The following C10orf67 variants were observed in gnomAD, a reference collection of about 807,000 sequenced individuals.
C10orf67 encodes the protein chromosome 10 open reading frame 67, also known as uncharacterized protein C10orf67, mitochondrial.
Under a neutral mutation model 35.6 loss-of-function variants are expected in C10orf67, and 60 were observed. The observed-to-expected ratio is 1.68, with a 90% CI of 1.37 to 2.09. The LOEUF (loss-of-function observed/expected upper bound fraction) is 2.09, where lower values mean the gene tolerates loss of function less well. C10orf67 is among the 30% of genes most tolerant of loss of function. C10orf67 has a pLI of 0.00. For synonymous variants in C10orf67, 167 were observed against 115.8 expected, an observed-to-expected ratio of 1.44 and a Z score of -2.84; for missense variants, 474 against 330.2, an observed-to-expected ratio of 1.44 and a Z score of -3.38.
At chr10:23,220,170 T>C (rs1020208739) in intron 15 of C10orf67, among the ~76,000 whole-genome samples, 2 of 151,484 alleles carry the variant, frequency 1.3e-5, no homozygotes, top group African/African-American at 2.4e-5. Flanking sequence ...ATACCCCATC[T>C]CAAGAAAAAA....
chr10:23,234,377 C>G (rs1841986945), intron 13 of C10orf67, among the ~76,000 whole-genome samples: 1 of 152,168 alleles, frequency 6.6e-6, no homozygotes, highest in African/African-American at 2.4e-5. Context: ...TCTGCAGGAA[C>G]ATGGGTAGAG....
chr10:23,274,909 A>G (rs1476512738), intron 8 of C10orf67, among the ~76,000 whole-genome samples: 2 of 152,196 alleles, frequency 1.3e-5, no homozygotes, highest in Non-Finnish European at 2.9e-5. Context: ...TTATAAAAGT[A>G]TTAATTTTGG....
chr10:23,208,475 G>T (rs1001955407), intron 15 of C10orf67, among the ~76,000 whole-genome samples: 2 of 152,178 alleles, frequency 1.3e-5, no homozygotes, highest in African/African-American at 4.8e-5. Flanking sequence ...AATGCAGACA[G>T]ACCTCAGGAG....
intron 2 of C10orf67, among the ~76,000 whole-genome samples, chr10:23,329,809 A>AAAAG (rs1444927030): frequency 4.7e-5 from 7 of 149,880 alleles, no homozygotes; most frequent in African/African-American, 1.7e-4. Context: ...AAAAAAAAAA[A>AAAAG]AAAAAAAGAA....
chr10:23,335,064 T>C (rs567358401), intron 1 of C10orf67, among the ~76,000 whole-genome samples: 1 of 152,066 alleles, frequency 6.6e-6, no homozygotes, highest in East Asian at 1.9e-4. Flanking sequence ...GGCACGTGCC[T>C]GTAATCCCAG....
At chr10:23,239,157 AT>A (rs1842116372) in intron 13 of C10orf67, among the ~76,000 whole-genome samples, 1 of 152,190 alleles carries the variant, frequency 6.6e-6, no homozygotes, top group Non-Finnish European at 1.5e-5. Context: ...TGGTTTACTT[AT>A]TAATTGAAAT....
intron 13 of C10orf67, among the ~76,000 whole-genome samples, chr10:23,224,269 G>T (rs576646209): frequency 1.3e-5 from 2 of 152,308 alleles, no homozygotes; most frequent in African/African-American, 4.8e-5. Flanking sequence ...GGTAAACAGG[G>T]TCTGAAGTAG....
intron 13 of C10orf67, among the ~76,000 whole-genome samples, chr10:23,237,138 G>C (rs569978919): frequency 6.6e-6 from 1 of 152,208 alleles, no homozygotes; most frequent in African/African-American, 2.4e-5. Flanking sequence ...TGTGGTATTT[G>C]GTTTTCTGCT....
At chr10:23,255,880 G>A (rs1312474068) in intron 10 of C10orf67, among the ~76,000 whole-genome samples, 1 of 152,196 alleles carries the variant, frequency 6.6e-6, no homozygotes, top group African/African-American at 2.4e-5. Flanking sequence ...ATCAAGACTT[G>A]TCTGGAAGGG....
At chr10:23,271,054 C>A (rs774819461) in intron 8 of C10orf67, among the ~76,000 whole-genome samples, 6 of 152,028 alleles carry the variant, frequency 3.9e-5, no homozygotes, top group Non-Finnish European at 7.4e-5. Context: ...AACACATATG[C>A]TCAAAATAAA....
intron 12 of C10orf67, among the ~76,000 whole-genome samples, chr10:23,245,711 T>C (rs1842299722): frequency 6.6e-6 from 1 of 152,212 alleles, no homozygotes; most frequent in South Asian, 2.1e-4. Flanking sequence ...TAACAAGTGC[T>C]GGTGAGGATG....
At chr10:23,281,419 T>C (rs564890950) in intron 8 of C10orf67, among the ~76,000 whole-genome samples, 5 of 152,276 alleles carry the variant, frequency 3.3e-5, no homozygotes, top group African/African-American at 1.2e-4. Flanking sequence ...TTTTTTATTA[T>C]AATAAACACA....
At chr10:23,278,874 G>C (rs1221469842) in intron 8 of C10orf67, among the ~76,000 whole-genome samples, 1 of 152,178 alleles carries the variant, frequency 6.6e-6, no homozygotes, top group Non-Finnish European at 1.5e-5. Flanking sequence ...AATTCATGGG[G>C]CTCATTCTGA....
intron 15 of C10orf67, among the ~76,000 whole-genome samples, chr10:23,222,042 A>C (rs1413026239): frequency 6.6e-6 from 1 of 152,192 alleles, no homozygotes; most frequent in Non-Finnish European, 1.5e-5. Flanking sequence ...TGAGCCTTAG[A>C]GCACACTGTA....
intron 5 of C10orf67, among the ~76,000 whole-genome samples, chr10:23,297,531 G>A (rs1018329006): frequency 6.6e-6 from 1 of 152,144 alleles, no homozygotes; most frequent in African/African-American, 2.4e-5. Flanking sequence ...CCTGGAGTGA[G>A]GGGATTACTT....
chr10:23,227,738 C>T (rs186149318), intron 13 of C10orf67, among the ~76,000 whole-genome samples: 1 of 152,078 alleles, frequency 6.6e-6, no homozygotes, highest in African/African-American at 2.4e-5. Flanking sequence ...ACTTCAGCAA[C>T]GTCTCAGGAT....
intron 2 of C10orf67, among the ~76,000 whole-genome samples, chr10:23,331,190 G>GAGACGGGAACCAGA (rs1845443257): frequency 1.8e-5 from 2 of 109,542 alleles, no homozygotes; most frequent in African/African-American, 3.8e-5. Context: ...GAAGGGAAGG[G>GAGACGGGAACCAGA]AAGGGAAGGG....
At chr10:23,245,547 A>C (rs1358018973) in intron 12 of C10orf67, among the ~76,000 whole-genome samples, 2 of 152,222 alleles carry the variant, frequency 1.3e-5, no homozygotes, top group African/African-American at 2.4e-5. Flanking sequence ...TGAACAAAGG[A>C]ACTGAATAGA....
In C10orf67 at chr10:23,235,517, G is replaced by A. The variant is rs554063734; in HGVS notation, c.1434+4212C>T. On this transcript the variant is annotated intron_variant, in intron 13 of 15. Coordinates refer to ENST00000636213, the MANE Select transcript of C10orf67 (RefSeq NM_001371909.1). The stretch of plus-strand genomic sequence containing the variant: ...GACAAAAATACAGGAATAGAGGAAT[G>A]GGCAGTTGTTTTTTAAATGAGTGTG... 2.9e-3 allele frequency among the ~76,000 whole-genome samples: 440 copies of A among 152,324 alleles called. 3 individuals carry two copies. Among genetic ancestry groups the A allele is most frequent in the African/African-American group, 0.01 (430 of 41,584 alleles).
Sources: allele counts gnomAD v4.1 joint callset (sites outside exome capture counted in the v4.1 genomes callset), GRCh38; gene constraint gnomAD v4.1.1; transcripts MANE v1.5; gene names NCBI Gene and HGNC (gene_info 2026-07-23, HGNC 2026-07-21).